Variants in PLCB1 observed in about 807,000 individuals in gnomAD.
PLCB1 encodes 1-phosphatidylinositol 4,5-bisphosphate phosphodiesterase beta-1.
In PLCB1, 46 loss-of-function variants were observed where a neutral mutation model predicts 161.8. That is an observed-to-expected ratio of 0.28 (90% CI 0.22 to 0.36). The LOEUF (loss-of-function observed/expected upper bound fraction) is 0.36, where lower values mean the gene tolerates loss of function less well. Among genes scored for constraint, PLCB1 ranks in the 10% least tolerant of loss-of-function variants. The pLI is 1.00. For missense variants in PLCB1, 1,016 were observed against 1,472.5 expected (o/e 0.69, Z 5.07); for synonymous variants, 517 against 503.7 (o/e 1.03, Z -0.35).
chr20:8,354,027 A>C (rs1042784242), intron 2 of PLCB1, among the ~76,000 whole-genome samples: 11 of 151,948 alleles, frequency 7.2e-5, no homozygotes, highest in Non-Finnish European at 1.0e-4. Flanking sequence ...TTAAAAAAAA[A>C]AAAAAGACCA....
chr20:8,148,532 T>C (rs879554717), intron 1 of PLCB1, among the ~76,000 whole-genome samples: 5 of 152,202 alleles, frequency 3.3e-5, no homozygotes, highest in Non-Finnish European at 5.9e-5. Context: ...AGTACTATCA[T>C]ATGATCCAGT....
In PLCB1 at chr20:8,667,203, C is replaced by G. The variant is rs188316123; in HGVS notation, c.862+8499C>G. Among the ~76,000 whole-genome samples the G allele has an allele frequency of 3.9e-5, 6 of 152,244 alleles. No homozygotes were observed. In the East Asian group the frequency reaches 1.2e-3, roughly 29 times the overall value. On this transcript the variant is annotated intron_variant, in intron 9 of 31. Transcript: ENST00000338037. ...ATGCTTTCATGCCTTAATTAAGTTA[C>G]TACACTGAAAAAGCTGCTGAAAAGC...
chr20:8,658,774 A>G, intron 9 of PLCB1, 70 bp downstream of exon 9: 1 of 1,273,804 alleles, frequency 7.9e-7, no homozygotes, highest in East Asian at 2.4e-5. Context: ...GCTGGGAGTT[A>G]GGAACACCAG....
chr20:8,794,407 G>A (rs1255547881), intron 31 of PLCB1, among the ~76,000 whole-genome samples: 2 of 152,292 alleles, frequency 1.3e-5, no homozygotes, highest in East Asian at 1.9e-4. Flanking sequence ...CACAATCCAC[G>A]TTCTTCTGCC....
At chr20:8,260,998 G>A (rs1981662169) in intron 2 of PLCB1, among the ~76,000 whole-genome samples, 1 of 152,128 alleles carries the variant, frequency 6.6e-6, no homozygotes. Flanking sequence ...CGGCTGCCTT[G>A]CCTCAAGACC....
chr20:8,747,780 A>G (rs766646326), intron 23 of PLCB1, among the ~76,000 whole-genome samples: 1 of 152,166 alleles, frequency 6.6e-6, no homozygotes, highest in Non-Finnish European at 1.5e-5. Flanking sequence ...AAAAATAAAT[A>G]AAATAAAATA....
chr20:8,656,229 CTTCA>C (rs756296601), intron 7 of PLCB1, among the ~76,000 whole-genome samples: 19 of 151,988 alleles, frequency 1.3e-4, no homozygotes, highest in Non-Finnish European at 2.4e-4. Flanking sequence ...GGAAATATTA[CTTCA>C]TTCATTCAAT....
chr20:8,786,288 A>T (rs1404804283), intron 27 of PLCB1, among the ~76,000 whole-genome samples: 1 of 152,208 alleles, frequency 6.6e-6, no homozygotes, highest in Non-Finnish European at 1.5e-5. Flanking sequence ...CTGGAATTTT[A>T]CATCTAGACA....
At chr20:8,602,361 G>A (rs1447879961) in intron 3 of PLCB1, among the ~76,000 whole-genome samples, 1 of 152,032 alleles carries the variant, frequency 6.6e-6, no homozygotes, top group Non-Finnish European at 1.5e-5. Context: ...AATTAAAATA[G>A]GCTTGCTGAA....
At chr20:8,237,213 G>C (rs1980372077) in intron 2 of PLCB1, among the ~76,000 whole-genome samples, 1 of 151,986 alleles carries the variant, frequency 6.6e-6, no homozygotes, top group Admixed American at 6.6e-5. Flanking sequence ...AACATAAACT[G>C]TAAGTATTCA....
chr20:8,269,139 GT>G (rs1982142098), intron 2 of PLCB1, among the ~76,000 whole-genome samples: 1 of 152,002 alleles, frequency 6.6e-6, no homozygotes. Context: ...GAATGTGCAG[GT>G]TTGTTACATA....
chr20:8,480,641 C>T (rs767895201), intron 3 of PLCB1, among the ~76,000 whole-genome samples: 1 of 152,140 alleles, frequency 6.6e-6, no homozygotes, highest in Non-Finnish European at 1.5e-5. Flanking sequence ...TATCCAGATG[C>T]TCCCCCAGGA....
At chr20:8,539,355 A>T (rs980828429) in intron 3 of PLCB1, among the ~76,000 whole-genome samples, 1 of 152,172 alleles carries the variant, frequency 6.6e-6, no homozygotes, top group African/African-American at 2.4e-5. Flanking sequence ...ACACACTTCA[A>T]ACAAACTTGT....
intron 2 of PLCB1, among the ~76,000 whole-genome samples, chr20:8,212,119 T>C (rs1185023109): frequency 6.6e-6 from 1 of 152,186 alleles, no homozygotes; most frequent in East Asian, 1.9e-4. Flanking sequence ...TTTGTATATT[T>C]GTATTTTACT....
chr20:8,294,250 T>G (rs1435508685), intron 2 of PLCB1, among the ~76,000 whole-genome samples: 1 of 152,144 alleles, frequency 6.6e-6, no homozygotes, highest in Non-Finnish European at 1.5e-5. Context: ...ATACAGTTTT[T>G]CTTCCACCCT....
At chr20:8,809,854 T>G (rs540567382) in intron 31 of PLCB1, among the ~76,000 whole-genome samples, 1 of 152,262 alleles carries the variant, frequency 6.6e-6, no homozygotes, top group African/African-American at 2.4e-5. Context: ...CCCCTAAAAC[T>G]TACACCTAGC....
intron 2 of PLCB1, among the ~76,000 whole-genome samples, chr20:8,216,812 A>G (rs991596730): frequency 5.9e-5 from 9 of 152,284 alleles, no homozygotes; most frequent in Admixed American, 1.3e-4. Flanking sequence ...CGGTGCCTAT[A>G]TAGAAACTCA....
chr20:8,313,610 G>A (rs1437067398), intron 2 of PLCB1, among the ~76,000 whole-genome samples: 1 of 152,128 alleles, frequency 6.6e-6, no homozygotes, highest in Non-Finnish European at 1.5e-5. Flanking sequence ...CCTTATACAA[G>A]AATATACATA....
Position 8,743,861 on chromosome 20 carries a change from T to G in PLCB1, c.2523+2288T>G, listed in dbSNP as rs141148673. On this transcript the variant is annotated intron_variant, in intron 23 of 31. Transcript: ENST00000338037. ...ATTAAGAAAGACTGTTCTATGAGTT[T>G]CTCATTTTACTCATATGAACATCAG... Among the ~76,000 whole-genome samples the G allele has an allele frequency of 4.9e-3, 753 of 152,294 alleles. 4 individuals are homozygous for G. Among genetic ancestry groups the G allele is most frequent in the African/African-American group, 0.018 (728 of 41,566 alleles).
Sources: allele counts gnomAD v4.1 joint callset (sites outside exome capture counted in the v4.1 genomes callset), GRCh38; gene constraint gnomAD v4.1.1; transcripts MANE v1.5; gene names NCBI Gene and HGNC (gene_info 2026-07-23, HGNC 2026-07-21).